Variants in DEPDC5 observed in about 807,000 individuals in gnomAD.
DEPDC5 encodes the protein DEP domain containing 5, GATOR1 subcomplex subunit.
In DEPDC5, 73 loss-of-function variants were observed where a neutral mutation model predicts 217.3. That is an observed-to-expected ratio of 0.34 (90% CI 0.28 to 0.41). The LOEUF (loss-of-function observed/expected upper bound fraction) is 0.41, where lower values mean the gene tolerates loss of function less well. Among genes scored for constraint, DEPDC5 ranks in the 10% least tolerant of loss-of-function variants. The pLI, the probability that DEPDC5 is intolerant of heterozygous loss-of-function variation, is 1.00. For synonymous variants in DEPDC5, 733 were observed against 756.7 expected (o/e 0.97, Z 0.51); for missense variants, 1,675 against 2,070.1 (o/e 0.81, Z 3.70).
intron 33 of DEPDC5, 89 bp downstream of exon 33, chr22:31,861,522 G>T: frequency 1.5e-6 from 2 of 1,370,618 alleles, no homozygotes; most frequent in South Asian, 1.3e-5. Context: ...CATGGAATTG[G>T]GCTGCAACTA....
chr22:31,784,889 TAC>T lies in DEPDC5; in HGVS notation c.624+19_624+20del. 1 of 1,607,558 alleles carries T rather than the reference TAC, an allele frequency of 6.2e-7. No individual in the cohort carries two copies. Among genetic ancestry groups the T allele is most frequent in the Non-Finnish European group, 8.5e-7 (1 of 1,176,318 alleles). On this transcript the variant is annotated intron_variant, in intron 10 of 42. Transcript: ENST00000651528. ...ACCAAGTGGAAGGTACATTTCTTCT[TAC>T]ACACTAAGTCTCATTATGTAAACAT...
intron 35 of DEPDC5, chr22:31,873,711 G>A: frequency 5.7e-6 from 1 of 173,954 alleles, no homozygotes; most frequent in East Asian, 1.8e-4. Context: ...TGCCTGACAA[G>A]TATAGGTATT....
Position 31,797,706 on chromosome 22 carries a change from A to G in DEPDC5, c.871+3A>G. ...GTTGGTGCGACTGGAACAGGCAGGT[A>G]CTGCATTCATGTAATAGATGGTGCG... On this transcript the variant is annotated splice_donor_region_variant and intron_variant, in intron 13 of 42. Transcript: ENST00000651528. 6.2e-7 allele frequency: 1 copy of G among 1,611,216 alleles called. No individual in the cohort carries two copies. The highest frequency in any genetic ancestry group is 8.5e-7 in the Non-Finnish European group (1 of 1,177,362).
At chr22:31,866,951 T>A (rs1329951848) in intron 33 of DEPDC5, among the ~76,000 whole-genome samples, 1 of 152,268 alleles carries the variant, frequency 6.6e-6, no homozygotes, top group Non-Finnish European at 1.5e-5. Context: ...TAGCCATCTC[T>A]ACTATGAAGT....
intron 40 of DEPDC5, among the ~76,000 whole-genome samples, chr22:31,900,948 A>G (rs2093637195): frequency 6.6e-6 from 1 of 152,078 alleles, no homozygotes; most frequent in South Asian, 2.1e-4. Context: ...TTAAAAATGT[A>G]GAAATTAGTT....
intron 34 of DEPDC5, among the ~76,000 whole-genome samples, chr22:31,872,760 A>AT (rs869142335): frequency 3.4e-5 from 5 of 148,986 alleles, no homozygotes; most frequent in African/African-American, 5.0e-5. Context: ...ATTTTATTTT[A>AT]TTTATTTATT....
intron 18 of DEPDC5, among the ~76,000 whole-genome samples, chr22:31,808,079 G>A (rs980645508): frequency 2.6e-4 from 40 of 151,938 alleles, no homozygotes; most frequent in Admixed American, 1.3e-4. Context: ...GTAGAACATG[G>A]AAAAACTTCT....
At chr22:31,867,057 G>A (rs1336612819) in intron 33 of DEPDC5, among the ~76,000 whole-genome samples, 1 of 152,194 alleles carries the variant, frequency 6.6e-6, no homozygotes, top group Non-Finnish European at 1.5e-5. Flanking sequence ...CATATGTTCA[G>A]TGGAGTCCTT....
intron 38 of DEPDC5, chr22:31,879,982 A>G (rs2093131022): frequency 2.4e-5 from 13 of 540,128 alleles, no homozygotes; most frequent in South Asian, 2.2e-4. Context: ...TCAAATCAGA[A>G]CATAGTGCCA....
intron 23 of DEPDC5, 89 bp from the exon 24 acceptor site, chr22:31,822,604 A>C: frequency 7.7e-7 from 1 of 1,306,940 alleles, no homozygotes; most frequent in Non-Finnish European, 1.1e-6. Flanking sequence ...ATTTTTATGA[A>C]CCTACCTCCC....
intron 24 of DEPDC5, among the ~76,000 whole-genome samples, chr22:31,830,011 A>C (rs1192111575): frequency 1.3e-5 from 2 of 152,242 alleles, no homozygotes; most frequent in Non-Finnish European, 2.9e-5. Context: ...AGGTGCATGC[A>C]GTATATTTGG....
chr22:31,867,643 T>C (rs556287557), intron 33 of DEPDC5, among the ~76,000 whole-genome samples: 2 of 152,154 alleles, frequency 1.3e-5, no homozygotes, highest in Non-Finnish European at 2.9e-5. Context: ...ATATTGCCTG[T>C]GGCTGCTTTC....
At chr22:31,815,895 A>G (rs2148769119) in intron 21 of DEPDC5, 1 of 1,047,394 alleles carries the variant, frequency 9.5e-7, no homozygotes, top group Non-Finnish European at 1.1e-6. Flanking sequence ...ATGCCTTTCC[A>G]TATGTTAATG....
At chr22:31,796,356 G>A (rs1386556071) in intron 12 of DEPDC5, among the ~76,000 whole-genome samples, 5 of 152,002 alleles carry the variant, frequency 3.3e-5, no homozygotes, top group African/African-American at 1.2e-4. Context: ...GCCTGCTTAG[G>A]CCTCCCAGAG....
chr22:31,766,321 G>C (rs563534443), intron 5 of DEPDC5, among the ~76,000 whole-genome samples: 1 of 152,104 alleles, frequency 6.6e-6, no homozygotes, highest in Non-Finnish European at 1.5e-5. Context: ...CCAGAATCCA[G>C]ACTAAAATAC....
rs748918911 is a variant in DEPDC5 at position 31,798,581 on chromosome 22, G to A, written c.872-1G>A. The stretch of plus-strand genomic sequence containing the variant: ...TCTTTCTCTTGCATATTTTGCTTCA[G>A]AGGGCTTTCCTCAAGGAGATAATTC... On this transcript the variant is annotated splice_acceptor_variant, in intron 13 of 42. Coordinates refer to ENST00000651528, the MANE Select transcript of DEPDC5 (RefSeq NM_001242896.3). LOFTEE classifies it high-confidence loss of function. The A allele has an allele frequency of 6.2e-7, 1 of 1,608,996 alleles. No homozygotes were observed. The highest frequency in any genetic ancestry group is 8.5e-7 in the Non-Finnish European group (1 of 1,176,954).
rs373009424 is a variant in DEPDC5, at chr22:31,837,072, C to T, written c.2271C>T (p.Thr757=). The T allele has an allele frequency of 4.8e-5, 77 of 1,614,198 alleles. No individual in the cohort carries two copies. The highest frequency in any genetic ancestry group is 5.5e-5 in the Non-Finnish European group (65 of 1,180,036). Residue 757 remains threonine, a synonymous_variant, in exon 26 of 43, where the codon ACC becomes ACT. Coordinates refer to ENST00000651528, the MANE Select transcript of DEPDC5 (RefSeq NM_001242896.3). ...LTTPACLPLT[T]DYFPDRQGLQ... is the part of the protein sequence containing the mutation. Reference sequence around the variant, plus strand: ...CTCCGGCGTGCCTCCCCCTTACCACCGACTACTTCCCTGACCGCCAGGGCC... The same window carrying T: ...CTCCGGCGTGCCTCCCCCTTACCACTGACTACTTCCCTGACCGCCAGGGCC...
chr22:31,843,721 T>G lies in DEPDC5; in HGVS notation c.2710T>G (p.Cys904Gly). The G allele has an allele frequency of 6.2e-7, 1 of 1,614,114 alleles. No individual in the cohort carries two copies. Among genetic ancestry groups the G allele is most frequent in the Admixed American group, 1.7e-5 (1 of 60,020 alleles). ...PSHSDSEFVS[C>G]WVEFSHERLE... is the part of the protein sequence containing the mutation. ...CCACTCAGACTCAGAGTTCGTCTCC[T>G]GCTGGGTGGAATTCTCCCACGAACG... Residue 904 changes from cysteine (C) to glycine (G), a missense_variant, in exon 29 of 43, where the codon TGC becomes GGC. Cys to Gly is a radical substitution (Grantham distance 159). Around this residue, in one of 11 missense-constraint regions of DEPDC5, gnomAD observed 293 missense variants for 386.1 expected, o/e 0.76. Coordinates refer to ENST00000651528, the MANE Select transcript of DEPDC5 (RefSeq NM_001242896.3).
chr22:31,792,124 A>G (rs1389339022), intron 11 of DEPDC5, 22 bp downstream of exon 11: 1 of 1,572,228 alleles, frequency 6.4e-7, no homozygotes, highest in Non-Finnish European at 8.7e-7. Context: ...TTTCTCTCCT[A>G]CAGTTATGTT....
Sources: gnomAD v4.1 joint callset for allele counts (sites outside exome capture counted in the v4.1 genomes callset) on GRCh38, gnomAD v4.1.1 for gene constraint, gnomAD v4.1.1 regional missense constraint, MANE v1.5 for transcripts, NCBI Gene and HGNC (gene_info 2026-07-23, HGNC 2026-07-21) for gene names.